ANP32A: variants seen among roughly 807,000 people sequenced by gnomAD.
ANP32A encodes the protein acidic leucine-rich nuclear phosphoprotein 32 family member A.
Under a neutral mutation model 33.9 loss-of-function variants are expected in ANP32A, and 1 was observed. The observed-to-expected ratio is 0.03, with a 90% CI of 0.01 to 0.14. ANP32A has a LOEUF of 0.14. Ranked by LOEUF, ANP32A falls within the 10% of genes least tolerant of loss-of-function variation. The probability of loss-of-function intolerance (pLI) is 1.00; values close to 1 mark genes in which losing one functional copy is unlikely to be tolerated. For synonymous variants in ANP32A, 115 were observed against 120.5 expected (o/e 0.95, Z 0.30); for missense variants, 155 against 306.0 (o/e 0.51, Z 3.68).
At chr15:68,813,302 G>C (rs72750396) in intron 1 of ANP32A, among the ~76,000 whole-genome samples, 106 of 152,286 alleles carry the variant, frequency 7.0e-4, no homozygotes, top group Non-Finnish European at 1.2e-3. Flanking sequence ...TATATCATCA[G>C]GACAACTAGT....
rs145629383 is a variant in ANP32A, at chr15:68,781,893, C to T, written c.624+1063G>A. Among the ~76,000 whole-genome samples the T allele has an allele frequency of 3.4e-3, 521 of 152,302 alleles. 4 individuals are homozygous for T. The highest frequency in any genetic ancestry group is 0.014 in the Middle Eastern group (4 of 294). On this transcript the variant is annotated intron_variant, in intron 5 of 6. Transcript: ENST00000465139. ...TGCTAGGATTACAGGCGTGAGCCAC[C>T]GCGCCTGGCCTCCGCGATTCTATTG...
chr15:68,800,195 AATGCT>A (rs1894112138), intron 1 of ANP32A, among the ~76,000 whole-genome samples: 1 of 152,116 alleles, frequency 6.6e-6, no homozygotes, highest in Non-Finnish European at 1.5e-5. Context: ...CCCCTCTTAA[AATGCT>A]ATGATTTGAT....
At position 68,784,415 on chromosome 15, in the gene ANP32A, C is replaced by T. The variant is rs780752451; in HGVS notation, c.508G>A (p.Glu170Lys). The stretch of plus-strand genomic sequence containing the variant: ...CACCCACCATCCTCATCCTCCTCCT[C>T]ATCATCCAGGCCCTCCACGTAGCCC... Reference protein sequence around the residue: ...AEGYVEGLDDEEEDEDEEEYD... With the variant: ...AEGYVEGLDDKEEDEDEEEYD... The change falls in exon 4 of 7, where the codon GAG becomes AAG. Residue 170 changes from glutamate (E) to lysine (K), a missense_variant. Transcript: ENST00000465139. 6 of 1,614,078 alleles carry T rather than the reference C, an allele frequency of 3.7e-6. No homozygotes were observed. Among genetic ancestry groups the T allele is most frequent in the Non-Finnish European group, 4.2e-6 (5 of 1,179,982 alleles).
At chr15:68,807,426 A>AC (rs1555424015) in intron 1 of ANP32A, among the ~76,000 whole-genome samples, 2 of 32,936 alleles carry the variant, frequency 6.1e-5, no homozygotes, top group Non-Finnish European at 4.2e-4. Context: ...TCCACAGAAA[A>AC]CGGGGGGGGG....
At chr15:68,808,810 C>T (rs1448913055) in intron 1 of ANP32A, among the ~76,000 whole-genome samples, 1 of 152,224 alleles carries the variant, frequency 6.6e-6, no homozygotes, top group Non-Finnish European at 1.5e-5. Context: ...CTACAGGAGG[C>T]AGCAGAATCC....
rs1893856827 is a variant in ANP32A, at chr15:68,780,712, T to C, written c.625-239A>G. On this transcript the variant is annotated intron_variant, in intron 5 of 6. Coordinates refer to ENST00000465139, the MANE Select transcript of ANP32A (RefSeq NM_006305.4). This position sits in a 1 kb window ranked among gnomAD's most constrained non-coding sequence, Gnocchi z 4.3. The stretch of plus-strand genomic sequence containing the variant: ...CTCCAGAAAATGTCCGTATCATTTA[T>C]AATATTTGCAAGCAGTTTCAGGGGG... The C allele has an allele frequency of 1.1e-5, 6 of 564,304 alleles. No individual in the cohort carries two copies. The highest frequency in any genetic ancestry group is 2.7e-5 in the South Asian group (1 of 36,410). The allele number at this position is 564,304 out of a possible 1,614,324, so 35.0% of individuals were successfully genotyped here. A position where few individuals can be genotyped will look rare whatever the true frequency, so the allele number is the denominator to read the frequency against.
intron 1 of ANP32A, among the ~76,000 whole-genome samples, chr15:68,805,024 C>T (rs1163519858): frequency 6.6e-6 from 1 of 152,204 alleles, no homozygotes; most frequent in African/African-American, 2.4e-5. Flanking sequence ...GGGTCTGCTG[C>T]TGTATTTGTG....
At chr15:68,802,676 G>C (rs1894153315) in intron 1 of ANP32A, among the ~76,000 whole-genome samples, 1 of 152,168 alleles carries the variant, frequency 6.6e-6, no homozygotes, top group South Asian at 2.1e-4. Context: ...ATTTGAGACG[G>C]AATTTTGTTC....
At chr15:68,791,448 A>G (rs894803052) in intron 1 of ANP32A, 1 of 152,564 alleles carries the variant, frequency 6.6e-6, no homozygotes, top group Non-Finnish European at 1.5e-5. Context: ...GTTTCTTTTC[A>G]GCTCCTCTTC....
intron 2 of ANP32A, 31 bp downstream of exon 2, chr15:68,787,739 T>G: frequency 9.9e-7 from 1 of 1,006,198 alleles, no homozygotes; most frequent in Non-Finnish European, 1.5e-6. Context: ...CACCCCCGCC[T>G]CCCAGCACAC....
intron 1 of ANP32A, among the ~76,000 whole-genome samples, chr15:68,800,763 A>AAG (rs1555423672): frequency 6.6e-6 from 1 of 150,522 alleles, no homozygotes; most frequent in African/African-American, 2.4e-5. Context: ...AAAAAGAAAG[A>AAG]AAAGAAAAGG....
In ANP32A at chr15:68,800,731, G is replaced by A. The variant is rs1416612136; in HGVS notation, c.55-12812C>T. 2.9e-3 allele frequency among the ~76,000 whole-genome samples: 276 copies of A among 94,852 alleles called. 3 individuals carry two copies. Among genetic ancestry groups the A allele is most frequent in the African/African-American group, 0.011 (268 of 25,090 alleles). 62.2% of individuals were successfully genotyped at this position (94,852 alleles called of 152,430 possible). On this transcript the variant is annotated intron_variant, in intron 1 of 6. Coordinates refer to ENST00000465139, the MANE Select transcript of ANP32A (RefSeq NM_006305.4). ...TGCGCTCCAGCCTGGGCGACACAGC[G>A]AGACTCCGTCTCAAAAAAAAAAAAA...
In ANP32A at chr15:68,801,482, G is replaced by A. The variant is rs546341832; in HGVS notation, c.55-13563C>T. On this transcript the variant is annotated intron_variant, in intron 1 of 6. Coordinates refer to ENST00000465139, the MANE Select transcript of ANP32A (RefSeq NM_006305.4). ...AGTTTCTTCACCTGTAAAATGGGAC[G>A]AGTCCCTACCAATCCCACCTGTCTC... Among the ~76,000 whole-genome samples the A allele has an allele frequency of 9.9e-5, 15 of 152,120 alleles. 1 individual carries two copies. The highest frequency in any genetic ancestry group is 3.4e-3 in the Middle Eastern group (1 of 294).
intron 1 of ANP32A, among the ~76,000 whole-genome samples, chr15:68,809,134 CT>C (rs1294547475): frequency 5.9e-5 from 9 of 152,178 alleles, no homozygotes; most frequent in Admixed American, 5.2e-4. Flanking sequence ...CTGGAGGGGA[CT>C]TTGGTGGATC....
intron 1 of ANP32A, among the ~76,000 whole-genome samples, chr15:68,814,640 A>G (rs182704131): frequency 6.6e-6 from 1 of 152,174 alleles, no homozygotes; most frequent in Non-Finnish European, 1.5e-5. Context: ...GACCTGGCCA[A>G]TTTTATAACC....
chr15:68,781,953 G>T (rs1893874245), intron 5 of ANP32A, among the ~76,000 whole-genome samples: 1 of 152,148 alleles, frequency 6.6e-6, no homozygotes, highest in Non-Finnish European at 1.5e-5. Context: ...TGGGCCGGCT[G>T]GCTGGAACTG....
At chr15:68,819,622 A>G (rs959658168) in intron 1 of ANP32A, among the ~76,000 whole-genome samples, 3 of 152,236 alleles carry the variant, frequency 2.0e-5, no homozygotes, top group African/African-American at 7.2e-5. Flanking sequence ...CCATTTATTA[A>G]GCAGGCGCCG....
intron 1 of ANP32A, among the ~76,000 whole-genome samples, chr15:68,813,358 C>T (rs1894337588): frequency 2.0e-5 from 3 of 152,126 alleles, no homozygotes; most frequent in Admixed American, 2.0e-4. Context: ...TGGCTCAGGG[C>T]CATGGTGCTT....
intron 1 of ANP32A, among the ~76,000 whole-genome samples, chr15:68,794,882 T>C (rs746543047): frequency 6.6e-6 from 1 of 152,224 alleles, no homozygotes; most frequent in Non-Finnish European, 1.5e-5. Context: ...TGTGTGTGTA[T>C]AGGCATACAC....
Sources: gnomAD v4.1 joint callset for allele counts (sites outside exome capture counted in the v4.1 genomes callset) on GRCh38, gnomAD v4.1.1 for gene constraint, Gnocchi (gnomAD v3.1) non-coding constraint, MANE v1.5 for transcripts, NCBI Gene and HGNC (gene_info 2026-07-23, HGNC 2026-07-21) for gene names.